The following ZMYM2 variants were observed in gnomAD, a reference collection of about 807,000 sequenced individuals.
The protein encoded by ZMYM2 is zinc finger MYM-type containing 2.
In ZMYM2, 56 loss-of-function variants were observed where a neutral mutation model predicts 162.8. That is an observed-to-expected ratio of 0.34 (90% CI 0.28 to 0.43). The LOEUF (loss-of-function observed/expected upper bound fraction) is 0.43. Ranked by LOEUF, ZMYM2 falls within the 20% of genes least tolerant of loss-of-function variation. ZMYM2 has a pLI of 1.00. For synonymous variants in ZMYM2, 510 were observed against 541.6 expected, an observed-to-expected ratio of 0.94 and a Z score of 0.81; for missense variants, 1,275 against 1,621.8, an observed-to-expected ratio of 0.79 and a Z score of 3.67.
At chr13:20,081,984 G>T (rs1593283592) in intron 21 of ZMYM2, 32 bp from the exon 22 acceptor site, 1 of 1,377,162 alleles carries the variant, frequency 7.3e-7, no homozygotes, top group South Asian at 1.4e-5. Flanking sequence ...TTTCTTTCAA[G>T]AAAGTTTGTG....
In ZMYM2 at chr13:19,993,221, A is replaced by G; in HGVS notation, c.149A>G (p.Gln50Arg). The change falls in exon 3 of 25, where the codon CAG becomes CGG. Residue 50 changes from glutamine to arginine, a missense_variant. Gln to Arg is a conservative substitution (Grantham distance 43, BLOSUM62 1). This residue lies in a region of ZMYM2 where 295 missense variants were observed against 286.7 expected (regional missense o/e 1.03). Coordinates refer to ENST00000610343, the MANE Select transcript of ZMYM2 (RefSeq NM_197968.4). ...NPLVSRSNKF[Q>R]NSSVEDDDDV... ...TTAGTGTCTAGATCTAATAAGTTTC[A>G]GAACTCGTCAGTGGAAGATGATGAT... The G allele has an allele frequency of 6.2e-7, 1 of 1,614,008 alleles. No homozygotes were observed. Among genetic ancestry groups the G allele is most frequent in the Non-Finnish European group, 8.5e-7 (1 of 1,179,890 alleles).
chr13:19,879,698 A>G, the ZMYM2 span, among the ~76,000 whole-genome samples: 4 of 152,196 alleles, frequency 2.6e-5, no homozygotes, highest in Non-Finnish European at 4.4e-5. Context: ...TGGGATTTTG[A>G]GAGACATTGC....
intron 14 of ZMYM2, among the ~76,000 whole-genome samples, chr13:20,052,671 A>AATG (rs1593131174): frequency 6.6e-6 from 1 of 152,220 alleles, no homozygotes; most frequent in East Asian, 1.9e-4. Flanking sequence ...GTATGTTTGA[A>AATG]ATGACTGTAT....
chr13:19,924,479 G>A, the ZMYM2 span, among the ~76,000 whole-genome samples: 1 of 151,386 alleles, frequency 6.6e-6, no homozygotes, highest in African/African-American at 2.5e-5. Context: ...GAGGTGAAAG[G>A]ATCGCTTGAG....
the ZMYM2 span, among the ~76,000 whole-genome samples, chr13:19,899,293 A>G: frequency 6.6e-6 from 1 of 152,054 alleles, no homozygotes; most frequent in East Asian, 1.9e-4. Flanking sequence ...AAATAGATAA[A>G]TAGATAAACA....
At chr13:20,003,685 T>C (rs1425123979) in intron 4 of ZMYM2, among the ~76,000 whole-genome samples, 1 of 151,540 alleles carries the variant, frequency 6.6e-6, no homozygotes, top group African/African-American at 2.4e-5. Flanking sequence ...CAGGCTGGAG[T>C]GCAATGGTGC....
chr13:20,065,769 T>G (rs1300595095), intron 19 of ZMYM2, among the ~76,000 whole-genome samples: 2 of 151,932 alleles, frequency 1.3e-5, no homozygotes, highest in Non-Finnish European at 2.9e-5. Context: ...GAGCAAGACC[T>G]CTCCTCAAAA....
At chr13:19,870,595 C>T in the ZMYM2 span, among the ~76,000 whole-genome samples, 3 of 142,824 alleles carry the variant, frequency 2.1e-5, no homozygotes, top group African/African-American at 5.2e-5. Flanking sequence ...TTCCTTCCTT[C>T]CTTTCTTTCT....
chr13:20,076,251 A>G (rs1957496235), intron 21 of ZMYM2, among the ~76,000 whole-genome samples: 1 of 150,288 alleles, frequency 6.7e-6, no homozygotes, highest in Non-Finnish European at 1.5e-5. Context: ...TTCCACAATG[A>G]TGAGCATTCT....
At chr13:19,919,321 T>C in the ZMYM2 span, among the ~76,000 whole-genome samples, 1 of 152,126 alleles carries the variant, frequency 6.6e-6, no homozygotes, top group South Asian at 2.1e-4. Flanking sequence ...CTTGTACAGG[T>C]TTTTTGTAGA....
intron 16 of ZMYM2, among the ~76,000 whole-genome samples, chr13:20,059,807 A>G (rs899327134): frequency 1.3e-5 from 2 of 151,968 alleles, no homozygotes; most frequent in Non-Finnish European, 2.9e-5. Flanking sequence ...AGGCTAAGGT[A>G]GGCGTATCTT....
chr13:20,006,371 T>C lies in ZMYM2; in HGVS notation c.1300-3T>C, dbSNP rs1315881545. The stretch of plus-strand genomic sequence containing the variant: ...TGTAAGATTTTGTTTATTTTTCTTT[T>C]AGATTCGCCATGAAGTCAGCTTTAA... On this transcript the variant is annotated splice_region_variant and splice_polypyrimidine_tract_variant and intron_variant, in intron 5 of 24. Coordinates refer to ENST00000610343, the MANE Select transcript of ZMYM2 (RefSeq NM_197968.4). The C allele has an allele frequency of 1.3e-6, 2 of 1,565,908 alleles. No homozygotes were observed. Among genetic ancestry groups the C allele is most frequent in the Admixed American group, 3.9e-5 (2 of 51,354 alleles).
At chr13:20,072,690 G>T (rs1368705586) in intron 21 of ZMYM2, among the ~76,000 whole-genome samples, 2 of 152,064 alleles carry the variant, frequency 1.3e-5, no homozygotes, top group African/African-American at 4.8e-5. Context: ...GGGTGGCAGG[G>T]TGTGGATGGG....
intron 21 of ZMYM2, among the ~76,000 whole-genome samples, chr13:20,072,688 G>A (rs1957176534): frequency 6.6e-6 from 1 of 152,104 alleles, no homozygotes; most frequent in South Asian, 2.1e-4. Context: ...GGGGGTGGCA[G>A]GGTGTGGATG....
At chr13:20,079,266 C>T (rs1385761077) in intron 21 of ZMYM2, among the ~76,000 whole-genome samples, 1 of 133,924 alleles carries the variant, frequency 7.5e-6, no homozygotes, top group Non-Finnish European at 1.5e-5. Context: ...TTGCATGAGC[C>T]GGGATTGCGC....
At chr13:19,942,415 G>T in the ZMYM2 span, among the ~76,000 whole-genome samples, 1 of 151,764 alleles carries the variant, frequency 6.6e-6, no homozygotes, top group Non-Finnish European at 1.5e-5. Context: ...TTTATCATCT[G>T]TGTACTTTTT....
Position 20,082,806 on chromosome 13 carries a change from A to C in ZMYM2, c.3594A>C (p.Glu1198Asp). ...GGTCAATATTCTCTCGAGTTGAAGA[A>C]GACTATCTCTGGAGGATAAAACAAC... ...PDGSIFSRVE[E>D]DYLWRIKQLG... is the part of the protein sequence containing the mutation. The change falls in exon 23 of 25, where the codon GAA (glutamate) becomes GAC (aspartate). Residue 1198 changes from glutamate (E) to aspartate (D), a missense_variant. Glu to Asp is a conservative substitution (Grantham distance 45). Transcript: ENST00000610343. 1 of 1,610,658 alleles carries C rather than the reference A, an allele frequency of 6.2e-7. No individual in the cohort carries two copies. The highest frequency in any genetic ancestry group is 8.5e-7 in the Non-Finnish European group (1 of 1,177,648).
intron 2 of ZMYM2, among the ~76,000 whole-genome samples, chr13:19,989,838 T>C (rs1949467036): frequency 6.6e-6 from 1 of 152,234 alleles, no homozygotes; most frequent in South Asian, 2.1e-4. Flanking sequence ...TCTCCATGAG[T>C]GTTCTGTAAC....
At chr13:20,035,706 A>T (rs1224030662) in intron 11 of ZMYM2, among the ~76,000 whole-genome samples, 1 of 152,186 alleles carries the variant, frequency 6.6e-6, no homozygotes, top group Non-Finnish European at 1.5e-5. Context: ...GATCGGTAAT[A>T]GCATGTTGAA....
Sources: allele counts gnomAD v4.1 joint callset (sites outside exome capture counted in the v4.1 genomes callset), GRCh38; gene constraint gnomAD v4.1.1; regional missense constraint gnomAD v4.1.1; transcripts MANE v1.5; gene names NCBI Gene and HGNC (gene_info 2026-07-23, HGNC 2026-07-21).